The following ACCSL variants were observed in gnomAD, a reference collection of about 807,000 sequenced individuals.
ACCSL encodes probable inactive 1-aminocyclopropane-1-carboxylate synthase-like protein 2.
ACCSL carries 55 observed loss-of-function variants against 61.7 expected under a neutral mutation model. The ratio of observed to expected loss-of-function variants is 0.89; its 90% CI spans 0.72 to 1.12. The LOEUF (loss-of-function observed/expected upper bound fraction) is 1.12. Ranked by LOEUF, ACCSL falls within the 50% of genes most tolerant of loss-of-function variation. The pLI, the probability that ACCSL is intolerant of heterozygous loss-of-function variation, is 0.00. For missense variants in ACCSL, 632 were observed against 698.0 expected (o/e 0.91, Z 1.07); for synonymous variants, 258 against 264.3 (o/e 0.98, Z 0.23).
At chr11:44,053,274 C>T in intron 7 of ACCSL, 132 bp from the exon 8 acceptor site, 3 of 895,564 alleles carry the variant, frequency 3.3e-6, no homozygotes, top group Non-Finnish European at 5.2e-6. Flanking sequence ...CCTCTTTGGG[C>T]AGTATAGTAG....
chr11:44,046,733 G>A (rs1429188075), upstream of ACCSL, among the ~76,000 whole-genome samples: 3 of 152,102 alleles, frequency 2.0e-5, no homozygotes, highest in Admixed American at 1.3e-4. Context: ...TTGGTGGAAT[G>A]GGCATAGGTC....
the ACCSL span, among the ~76,000 whole-genome samples, chr11:44,015,921 T>C: frequency 6.6e-6 from 1 of 152,230 alleles, no homozygotes; most frequent in Non-Finnish European, 1.5e-5. Flanking sequence ...TGGCATGTAG[T>C]AATAAATTAT....
upstream of ACCSL, among the ~76,000 whole-genome samples, chr11:44,047,572 T>G (rs1441709579): frequency 6.6e-6 from 1 of 152,182 alleles, no homozygotes; most frequent in Non-Finnish European, 1.5e-5. Flanking sequence ...CAAAAATAAG[T>G]GGCAGGCCAG....
the ACCSL span, among the ~76,000 whole-genome samples, chr11:44,010,473 G>T: frequency 6.6e-6 from 1 of 152,184 alleles, no homozygotes; most frequent in African/African-American, 2.4e-5. Context: ...CCAAGTTAAT[G>T]CAGGTTTTTC....
chr11:43,922,499 T>C, the ACCSL span, among the ~76,000 whole-genome samples: 1 of 152,210 alleles, frequency 6.6e-6, no homozygotes, highest in Non-Finnish European at 1.5e-5. Context: ...GGCATCTGCA[T>C]CTCATCTTTC....
chr11:43,962,896 A>G, the ACCSL span, among the ~76,000 whole-genome samples: 1 of 152,204 alleles, frequency 6.6e-6, no homozygotes, highest in Non-Finnish European at 1.5e-5. Context: ...CCCACTTCAG[A>G]TGAGGATAAT....
chr11:44,024,755 GGTT>G, the ACCSL span, among the ~76,000 whole-genome samples: 4 of 151,858 alleles, frequency 2.6e-5, no homozygotes, highest in Admixed American at 2.0e-4. Flanking sequence ...TGATCTGCCT[GGTT>G]GTTATATTCA....
At chr11:44,000,351 C>A in the ACCSL span, among the ~76,000 whole-genome samples, 1 of 152,032 alleles carries the variant, frequency 6.6e-6, no homozygotes, top group South Asian at 2.1e-4. Context: ...TTTCGAACTC[C>A]TGACCTCAGG....
At chr11:44,006,112 G>A in the ACCSL span, among the ~76,000 whole-genome samples, 1 of 152,170 alleles carries the variant, frequency 6.6e-6, no homozygotes, top group Non-Finnish European at 1.5e-5. Flanking sequence ...CCCAGAACTG[G>A]ACCAGTCTGA....
At chr11:44,050,192 A>G (rs1952627789) in intron 2 of ACCSL, 71 bp downstream of exon 2, 4 of 1,311,650 alleles carry the variant, frequency 3.0e-6, no homozygotes, top group Non-Finnish European at 3.3e-6. Flanking sequence ...CTCCTGAGCT[A>G]TGGTAGATAC....
the ACCSL span, among the ~76,000 whole-genome samples, chr11:43,987,701 C>T: frequency 3.3e-5 from 5 of 152,204 alleles, no homozygotes; most frequent in East Asian, 5.8e-4. Flanking sequence ...TGTTTCTACC[C>T]GGTGAAAGGA....
At chr11:43,925,425 C>A in the ACCSL span, 1 of 456,066 alleles carries the variant, frequency 2.2e-6, no homozygotes, top group Admixed American at 2.3e-5. Context: ...CCACGCTGCA[C>A]CAGCCAGGTG....
Position 44,048,158 on chromosome 11 carries a change from C to CG in ACCSL, c.124dup (p.Glu42GlyfsTer21), listed in dbSNP as rs1445609659. ...ACGCTGCACTTGCAGCAGGCCATGA[C>CG]GGAGCACTTCGTGCAGCTGACGAGC... On this transcript the variant is annotated frameshift_variant, in exon 1 of 14. Coordinates refer to ENST00000378832, the MANE Select transcript of ACCSL (RefSeq NM_001031854.2). LOFTEE classifies it high-confidence loss of function. 1.9e-6 allele frequency: 3 copies of CG among 1,614,070 alleles called. No homozygotes were observed. The highest frequency in any genetic ancestry group is 2.5e-6 in the Non-Finnish European group (3 of 1,180,052).
upstream of ACCSL, among the ~76,000 whole-genome samples, chr11:44,043,309 A>ATTGGTCTTG (rs1358225335): frequency 6.6e-6 from 1 of 152,140 alleles, no homozygotes; most frequent in Non-Finnish European, 1.5e-5. Flanking sequence ...TCCCCTGGCA[A>ATTGGTCTTG]CCACTAGTCT....
intron 8 of ACCSL, among the ~76,000 whole-genome samples, chr11:44,053,770 G>A (rs1952654329): frequency 6.6e-6 from 1 of 152,296 alleles, no homozygotes; most frequent in African/African-American, 2.4e-5. Context: ...GCTGAGACAT[G>A]AGAATTGCTT....
At chr11:43,926,796 T>C in the ACCSL span, among the ~76,000 whole-genome samples, 1 of 152,190 alleles carries the variant, frequency 6.6e-6, no homozygotes, top group Non-Finnish European at 1.5e-5. Flanking sequence ...TTTGCCCAGG[T>C]TGGAGGGCAG....
the ACCSL span, among the ~76,000 whole-genome samples, chr11:43,987,791 G>A: frequency 2.0e-5 from 3 of 152,212 alleles, no homozygotes; most frequent in East Asian, 1.9e-4. Flanking sequence ...TCCAGCGCTC[G>A]GGGGGGTCAA....
the ACCSL span, chr11:43,944,536 A>G: frequency 6.5e-6 from 1 of 152,788 alleles, no homozygotes; most frequent in South Asian, 2.1e-4. Flanking sequence ...GTCTTTGGTT[A>G]GAGCCTGAAG....
chr11:44,043,483 T>C (rs573386219), upstream of ACCSL, among the ~76,000 whole-genome samples: 5 of 152,358 alleles, frequency 3.3e-5, no homozygotes, highest in East Asian at 9.6e-4. Flanking sequence ...AGGTACATTT[T>C]TTTCCTGGAT....
Sources: allele counts gnomAD v4.1 joint callset (sites outside exome capture counted in the v4.1 genomes callset), GRCh38; gene constraint gnomAD v4.1.1; transcripts MANE v1.5; gene names NCBI Gene and HGNC (gene_info 2026-07-23, HGNC 2026-07-21).